Variants in CDH18 observed in about 807,000 individuals in gnomAD.
CDH18 encodes cadherin-18.
Under a neutral mutation model 67.9 loss-of-function variants are expected in CDH18, and 31 were observed. The ratio of observed to expected loss-of-function variants is 0.46; its 90% CI spans 0.34 to 0.62. CDH18 has a LOEUF of 0.62. CDH18 is among the 20% of genes least tolerant of loss of function. CDH18 has a pLI of 0.01. For missense variants in CDH18, 890 were observed against 975.5 expected, an observed-to-expected ratio of 0.91 and a Z score of 1.17; for synonymous variants, 362 against 347.2, an observed-to-expected ratio of 1.04 and a Z score of -0.48.
chr5:19,590,104 C>T (rs1168753979), intron 7 of CDH18, among the ~76,000 whole-genome samples: 1 of 152,078 alleles, frequency 6.6e-6, no homozygotes, highest in East Asian at 1.9e-4. Flanking sequence ...ACTTATCCTT[C>T]TTATTCTTTG....
chr5:20,281,868 T>C (rs1347904760), intron 1 of CDH18, among the ~76,000 whole-genome samples: 1 of 152,176 alleles, frequency 6.6e-6, no homozygotes, highest in Non-Finnish European at 1.5e-5. Flanking sequence ...TTCCATTTGT[T>C]TGTATCCTCT....
At chr5:19,967,993 T>A (rs905621142) in intron 2 of CDH18, among the ~76,000 whole-genome samples, 10 of 144,928 alleles carry the variant, frequency 6.9e-5, no homozygotes. Flanking sequence ...TTCAGCAAAG[T>A]CTCAGGATAC....
chr5:19,830,921 AAACT>A lies in CDH18; in HGVS notation c.228+7834_228+7837del, dbSNP rs530156901. Among the ~76,000 whole-genome samples, 7 of 152,192 alleles carry A rather than the reference AAACT, an allele frequency of 4.6e-5. No homozygotes were observed. In the East Asian group the frequency reaches 1.4e-3, roughly 29 times the overall value. Reference sequence around the variant, plus strand: ...AGAGGTGGAGGCCATAACCTGACACAAACTAACGCAGGAAGAGAAAACCACATAC... The same window carrying A: ...AGAGGTGGAGGCCATAACCTGACACAAACGCAGGAAGAGAAAACCACATAC... On this transcript the variant is annotated intron_variant, in intron 3 of 12. Coordinates refer to ENST00000382275, the MANE Select transcript of CDH18 (RefSeq NM_004934.5).
intron 2 of CDH18, among the ~76,000 whole-genome samples, chr5:19,912,043 G>C (rs1025373831): frequency 7.2e-5 from 11 of 151,992 alleles, no homozygotes; most frequent in Admixed American, 2.6e-4. Flanking sequence ...GAAATCTAAG[G>C]AGTCATCTAG....
At chr5:20,535,631 C>T (rs1211158004) in intron 1 of CDH18, among the ~76,000 whole-genome samples, 1 of 152,060 alleles carries the variant, frequency 6.6e-6, no homozygotes, top group African/African-American at 2.4e-5. Context: ...GAGGAATCTT[C>T]CCAGTGTGCC....
chr5:20,119,542 G>C (rs1374874417), intron 2 of CDH18, among the ~76,000 whole-genome samples: 2 of 152,140 alleles, frequency 1.3e-5, no homozygotes, highest in Admixed American at 6.6e-5. Context: ...GAAAATCTGA[G>C]AGAAAATATG....
intron 3 of CDH18, among the ~76,000 whole-genome samples, chr5:19,755,683 C>A (rs1771515600): frequency 6.6e-6 from 1 of 150,806 alleles, no homozygotes; most frequent in African/African-American, 2.4e-5. Flanking sequence ...CAACATCACA[C>A]AATAAGCTTT....
chr5:19,638,655 C>T (rs893270112), intron 5 of CDH18, among the ~76,000 whole-genome samples: 7 of 151,620 alleles, frequency 4.6e-5, no homozygotes, highest in Admixed American at 1.3e-4. Context: ...CCTTCCCCCC[C>T]CGCGCCCCAC....
At chr5:19,904,050 G>A (rs1338825907) in intron 2 of CDH18, among the ~76,000 whole-genome samples, 1 of 151,888 alleles carries the variant, frequency 6.6e-6, no homozygotes, top group Non-Finnish European at 1.5e-5. Flanking sequence ...GAGGCAGGCA[G>A]ATCATCTGAG....
chr5:19,601,033 T>C (rs569475868), intron 6 of CDH18, among the ~76,000 whole-genome samples: 1 of 152,266 alleles, frequency 6.6e-6, no homozygotes, highest in African/African-American at 2.4e-5. Context: ...CTTGGAAATA[T>C]TCAAACGTGT....
chr5:20,152,207 TAA>T (rs2126573928), intron 2 of CDH18, among the ~76,000 whole-genome samples: 1 of 138,194 alleles, frequency 7.2e-6, no homozygotes, highest in East Asian at 2.1e-4. Flanking sequence ...TAATTATATA[TAA>T]TATAGATATA....
intron 12 of CDH18, among the ~76,000 whole-genome samples, chr5:19,482,400 G>A (rs1739599522): frequency 6.6e-6 from 1 of 152,136 alleles, no homozygotes; most frequent in Non-Finnish European, 1.5e-5. Flanking sequence ...ACAGGCGTGA[G>A]CCACCGCACC....
chr5:20,348,043 G>A (rs751862371), intron 1 of CDH18, among the ~76,000 whole-genome samples: 8 of 152,106 alleles, frequency 5.3e-5, no homozygotes, highest in Non-Finnish European at 1.0e-4. Context: ...TAGGGACTAA[G>A]CAGACTGCAA....
chr5:20,243,183 G>A (rs944532247), intron 2 of CDH18, among the ~76,000 whole-genome samples: 1 of 152,076 alleles, frequency 6.6e-6, no homozygotes, highest in Non-Finnish European at 1.5e-5. Flanking sequence ...ATTTGAAGCT[G>A]CCTGGAGAAA....
intron 2 of CDH18, among the ~76,000 whole-genome samples, chr5:19,954,790 T>C (rs1257459482): frequency 1.3e-5 from 2 of 151,282 alleles, no homozygotes; most frequent in Non-Finnish European, 2.9e-5. Flanking sequence ...TTCACAAACA[T>C]ACATTTCAAA....
intron 2 of CDH18, among the ~76,000 whole-genome samples, chr5:19,978,893 C>T (rs150673371): frequency 2.0e-5 from 3 of 152,226 alleles, no homozygotes; most frequent in Admixed American, 6.5e-5. Flanking sequence ...CCATCTGCAA[C>T]CATAACCCTC....
In CDH18 at chr5:19,721,331, G is replaced by T; in HGVS notation, c.643+16C>A. On this transcript the variant is annotated intron_variant, in intron 5 of 12. Coordinates refer to ENST00000382275, the MANE Select transcript of CDH18 (RefSeq NM_004934.5). ...TAGCAAACGCTTGCATGCGAGTTAT[G>T]TGTAAATGCACTAACCTGTTTTAGG... is the stretch of plus-strand genomic sequence containing the variant. 1 of 1,571,486 alleles carries T rather than the reference G, an allele frequency of 6.4e-7. No homozygotes were observed. Among genetic ancestry groups the T allele is most frequent in the Non-Finnish European group, 8.7e-7 (1 of 1,152,686 alleles).
At chr5:20,559,428 C>T (rs1405430692) in intron 1 of CDH18, among the ~76,000 whole-genome samples, 1 of 151,912 alleles carries the variant, frequency 6.6e-6, no homozygotes, top group Non-Finnish European at 1.5e-5. Context: ...CAAACATAAG[C>T]AGAGCAATGG....
At chr5:20,450,408 T>C (rs1282283762) in intron 1 of CDH18, among the ~76,000 whole-genome samples, 1 of 152,192 alleles carries the variant, frequency 6.6e-6, no homozygotes, top group Non-Finnish European at 1.5e-5. Context: ...TACTTTCATA[T>C]GGGATTGTAT....
Sources: allele counts gnomAD v4.1 joint callset (sites outside exome capture counted in the v4.1 genomes callset), GRCh38; gene constraint gnomAD v4.1.1; transcripts MANE v1.5; gene names NCBI Gene and HGNC (gene_info 2026-07-23, HGNC 2026-07-21).